DOP1B: variants seen among roughly 807,000 people sequenced by gnomAD.
DOP1B encodes DOP1 leucine zipper like protein B.
A neutral mutation model predicts 233.5 loss-of-function variants in DOP1B; 174 were observed. That is an observed-to-expected ratio of 0.75 (90% CI 0.66 to 0.85). DOP1B has a LOEUF of 0.85. Among genes scored for constraint, DOP1B ranks in the 40% least tolerant of loss-of-function variants. The pLI is 0.00. For missense variants in DOP1B, 2,652 were observed against 2,846.6 expected (o/e 0.93, Z 1.56); for synonymous variants, 1,190 against 1,185.6 (o/e 1.00, Z -0.08).
At chr21:36,180,061 C>T (rs529528509) in intron 2 of DOP1B, among the ~76,000 whole-genome samples, 3 of 152,212 alleles carry the variant, frequency 2.0e-5, no homozygotes, top group Non-Finnish European at 4.4e-5. Flanking sequence ...CATTCTCTAT[C>T]CCAATCTTGT....
intron 23 of DOP1B, among the ~76,000 whole-genome samples, chr21:36,255,278 C>A (rs145857984): frequency 6.6e-6 from 1 of 151,342 alleles, no homozygotes; most frequent in Non-Finnish European, 1.5e-5. Context: ...ATTACAGGTG[C>A]GCACCACCAA....
intron 12 of DOP1B, among the ~76,000 whole-genome samples, chr21:36,226,180 G>A (rs190213825): frequency 6.6e-6 from 1 of 152,328 alleles, no homozygotes; most frequent in African/African-American, 2.4e-5. Flanking sequence ...TCAGGAGGCT[G>A]AGATTGGAGC....
chr21:36,289,452 TG>T (rs2067531728), intron 35 of DOP1B, among the ~76,000 whole-genome samples: 1 of 150,848 alleles, frequency 6.6e-6, no homozygotes, highest in Admixed American at 6.6e-5. Flanking sequence ...TGTGTGTGTG[TG>T]TGTGTGTGTG....
Position 36,270,042 on chromosome 21 carries a change from G to A in DOP1B, c.5517G>A (p.Val1839=), listed in dbSNP as rs748457698. ...QEITQKILEA[V]GNIAGSSLEQ... ...TCACTCAGAAAATCCTAGAAGCTGTGGGGAACATTGCCGGCTCTTCCTTGG... is the reference window on the plus strand; with the variant it reads ...TCACTCAGAAAATCCTAGAAGCTGTAGGGAACATTGCCGGCTCTTCCTTGG... Residue 1839 remains valine, a synonymous_variant, in exon 27 of 37, where the codon GTG becomes GTA. Coordinates refer to ENST00000691173, the MANE Select transcript of DOP1B (RefSeq NM_001320714.2). 6 of 1,614,070 alleles carry A rather than the reference G, an allele frequency of 3.7e-6. No individual in the cohort carries two copies. In the South Asian group the frequency reaches 4.4e-5, roughly 12 times the overall value.
chr21:36,230,971 A>G lies in DOP1B; in HGVS notation c.2187A>G (p.Glu729=). The change falls in exon 14 of 37, where the codon GAA becomes GAG. Residue 729 remains glutamate (E), a synonymous_variant. Transcript: ENST00000691173. ...PSSPARKNGG[E]WDVEKVVIDL... The stretch of plus-strand genomic sequence containing the variant: ...GCCCTGCCAGGAAAAACGGGGGAGA[A>G]TGGGATGTTGAGAAGGTGGTCATTG... 2 of 1,614,160 alleles carry G rather than the reference A, an allele frequency of 1.2e-6. No individual in the cohort carries two copies. Among genetic ancestry groups the G allele is most frequent in the Non-Finnish European group, 1.7e-6 (2 of 1,180,036 alleles).
rs1359912495 is a variant in DOP1B, at chr21:36,169,112, C to T, written c.138+4241C>T. 3.3e-5 allele frequency: 29 copies of T among 876,328 alleles called. No homozygotes were observed. In the East Asian group the frequency reaches 4.4e-4, roughly 13 times the overall value. 54.3% of individuals were successfully genotyped at this position (876,328 alleles called of 1,614,324 possible). On this transcript the variant is annotated intron_variant, in intron 2 of 36. Transcript: ENST00000691173. ...AAGGTCAGTCTTCTCCAGAGCCCATCGTCTGGTCTGCACCAGCAAAGATGT... is the reference window on the plus strand; with the variant it reads ...AAGGTCAGTCTTCTCCAGAGCCCATTGTCTGGTCTGCACCAGCAAAGATGT...
chr21:36,284,798 A>G (rs2067464058), intron 32 of DOP1B, among the ~76,000 whole-genome samples: 1 of 151,288 alleles, frequency 6.6e-6, no homozygotes, highest in Admixed American at 6.6e-5. Flanking sequence ...ATAATAGAAT[A>G]TATATATAAA....
At chr21:36,271,912 C>T (rs988904173) in intron 27 of DOP1B, among the ~76,000 whole-genome samples, 1 of 142,142 alleles carries the variant, frequency 7.0e-6, no homozygotes, top group African/African-American at 2.6e-5. Context: ...GTGGGCGGGT[C>T]GCCTGAGGTG....
chr21:36,284,265 CTTTT>C (rs71326667), intron 32 of DOP1B, among the ~76,000 whole-genome samples: 30 of 75,872 alleles, frequency 4.0e-4, no homozygotes, highest in South Asian at 3.1e-3. Context: ...TTCCTTCTTT[CTTTT>C]TTTTTTTTTT....
intron 9 of DOP1B, among the ~76,000 whole-genome samples, chr21:36,217,093 A>C (rs868574900): frequency 4.7e-5 from 7 of 148,384 alleles, no homozygotes; most frequent in Non-Finnish European, 8.9e-5. Context: ...AAAAAAAAAA[A>C]AGAGAGCTGA....
Position 36,239,819 on chromosome 21 carries a change from G to A in DOP1B, c.2931G>A (p.Ala977=), listed in dbSNP as rs370112928. The A allele has an allele frequency of 2.1e-5, 33 of 1,566,584 alleles. No individual in the cohort carries two copies. The highest frequency in any genetic ancestry group is 2.7e-5 in the African/African-American group (2 of 73,662). ...CCTGCACGGATGGTGCCATCGGTGC[G>A]GCAGCCCAGGGCTGGCTGGTGCGTG... ...SLACTDGAIG[A]AAQGWLVRAL... Residue 977 remains alanine (A), a synonymous_variant, in exon 18 of 37, where the codon GCG becomes GCA. Coordinates refer to ENST00000691173, the MANE Select transcript of DOP1B (RefSeq NM_001320714.2).
At chr21:36,242,151 C>CATT (rs78154894) in intron 18 of DOP1B, among the ~76,000 whole-genome samples, 4,877 of 143,828 alleles carry the variant, frequency 0.034, 149 homozygotes, top group African/African-American at 0.075. Context: ...GTTCCTTGGG[C>CATT]ATTATTATTA....
intron 2 of DOP1B, among the ~76,000 whole-genome samples, chr21:36,167,367 G>T (rs2065922316): frequency 6.6e-6 from 1 of 151,996 alleles, no homozygotes; most frequent in African/African-American, 2.4e-5. Flanking sequence ...TAGAGATGGG[G>T]TTTCACCATG....
Position 36,227,509 on chromosome 21 carries a change from T to C in DOP1B, c.1474-177T>C, listed in dbSNP as rs999372068. On this transcript the variant is annotated intron_variant, in intron 12 of 36. Transcript: ENST00000691173. ...TTGCAGTGAGCCGAGATCGCGACAC[T>C]GCACTCCAGCCTGGGCTACAGAGCA... is the stretch of plus-strand genomic sequence containing the variant. Among the ~76,000 whole-genome samples the C allele has an allele frequency of 6.6e-5, 10 of 151,448 alleles. No homozygotes were observed. In the East Asian group the frequency reaches 1.6e-3, roughly 24 times the overall value.
At chr21:36,262,257 G>C (rs1270029550) in intron 24 of DOP1B, among the ~76,000 whole-genome samples, 5 of 152,226 alleles carry the variant, frequency 3.3e-5, no homozygotes, top group Non-Finnish European at 2.9e-5. Context: ...GTTGAGTGTA[G>C]TGGCCTGAGG....
At chr21:36,291,808 C>A (rs926851616) in intron 35 of DOP1B, among the ~76,000 whole-genome samples, 1 of 152,084 alleles carries the variant, frequency 6.6e-6, no homozygotes, top group African/African-American at 2.4e-5. Flanking sequence ...GTGTATGATT[C>A]TGCTTATATG....
rs869203517 is a variant in DOP1B, at chr21:36,287,579, C to CTTTTTTT, written c.6161-416_6161-410dup. Among the ~76,000 whole-genome samples, 242 of 73,132 alleles carry CTTTTTTT rather than the reference C, an allele frequency of 3.3e-3. 12 individuals are homozygous for CTTTTTTT. Among genetic ancestry groups the CTTTTTTT allele is most frequent in the East Asian group, 0.011 (24 of 2,146 alleles). 48.0% of individuals were successfully genotyped at this position (73,132 alleles called of 152,430 possible). A position where few individuals can be genotyped will look rare whatever the true frequency, so the allele number is the denominator to read the frequency against. On this transcript the variant is annotated intron_variant, in intron 32 of 36. Transcript: ENST00000691173. ...TTGCACAAAAGCATCTCCTAACATT[C>CTTTTTTT]TTTTTTTTTTTTTTTTTTTTTTTTT...
intron 18 of DOP1B, among the ~76,000 whole-genome samples, chr21:36,244,565 C>A (rs1166081901): frequency 6.6e-6 from 1 of 151,984 alleles, no homozygotes; most frequent in Non-Finnish European, 1.5e-5. Context: ...GCTGGAATTA[C>A]AAGCACCTGC....
intron 2 of DOP1B, among the ~76,000 whole-genome samples, chr21:36,172,456 T>G (rs1234139800): frequency 6.6e-6 from 1 of 152,088 alleles, no homozygotes; most frequent in Non-Finnish European, 1.5e-5. Flanking sequence ...CTGATAGGAG[T>G]TGGTATGAAT....
Sources: gnomAD v4.1 joint callset for allele counts (sites outside exome capture counted in the v4.1 genomes callset) on GRCh38, gnomAD v4.1.1 for gene constraint, MANE v1.5 for transcripts, NCBI Gene and HGNC (gene_info 2026-07-23, HGNC 2026-07-21) for gene names.